TUT4: variants seen among roughly 807,000 people sequenced by gnomAD.
TUT4 encodes the protein terminal uridylyl transferase 4, also known as terminal uridylyltransferase 4.
In TUT4, 36 loss-of-function variants were observed where a neutral mutation model predicts 192.2. The ratio of observed to expected loss-of-function variants is 0.19; its 90% CI spans 0.14 to 0.25. The LOEUF is 0.25. TUT4 is among the 10% of genes least tolerant of loss of function. TUT4 has a pLI of 1.00. For missense variants in TUT4, 1,493 were observed against 1,957.2 expected (o/e 0.76, Z 4.47); for synonymous variants, 618 against 666.0 (o/e 0.93, Z 1.11).
chr1:52,439,492 T>C (rs573514738), intron 24 of TUT4, among the ~76,000 whole-genome samples: 1 of 152,248 alleles, frequency 6.6e-6, no homozygotes, highest in Non-Finnish European at 1.5e-5. Flanking sequence ...CGAAGACTAG[T>C]TGGTCCTAAC....
At chr1:52,441,840 G>A (rs1655692562) in intron 24 of TUT4, among the ~76,000 whole-genome samples, 2 of 152,056 alleles carry the variant, frequency 1.3e-5, no homozygotes, top group Non-Finnish European at 2.9e-5. Context: ...ACAGAAGAGT[G>A]CACAGGAAGG....
At chr1:52,453,609 G>A in intron 20 of TUT4, among the ~76,000 whole-genome samples, 1 of 151,060 alleles carries the variant, frequency 6.6e-6, no homozygotes, top group Admixed American at 6.6e-5. Flanking sequence ...AAATCCTACA[G>A]CTAACATCAT....
chr1:52,545,546 G>T (rs1012608932), intron 1 of TUT4, among the ~76,000 whole-genome samples: 1 of 152,056 alleles, frequency 6.6e-6, no homozygotes, highest in African/African-American at 2.4e-5. Context: ...TTTCTCCAAA[G>T]AAGATATACA....
chr1:52,441,616 T>G (rs907038748), intron 24 of TUT4, among the ~76,000 whole-genome samples: 29 of 151,834 alleles, frequency 1.9e-4, no homozygotes, highest in African/African-American at 7.0e-4. Flanking sequence ...TTGAGTAAAA[T>G]AAGTAAATTT....
rs1181258291 is a variant in TUT4 at position 52,463,708 on chromosome 1, C to A, written c.3069+1362G>T. The A allele has an allele frequency of 3.8e-6, 5 of 1,304,276 alleles. No individual in the cohort carries two copies. The South Asian group carries it at 6.2e-5, about 16-fold the overall frequency. 80.8% of individuals were successfully genotyped at this position (1,304,276 alleles called of 1,614,324 possible). The stretch of plus-strand genomic sequence containing the variant: ...TAGTTGCTGTTGAGAAGGCCTGGGA[C>A]ACTTCTTCCCTGTCCAATCAGTCTT... On this transcript the variant is annotated intron_variant, in intron 16 of 29. Coordinates refer to ENST00000257177, the MANE Select transcript of TUT4 (RefSeq NM_001009881.3).
chr1:52,455,608 A>G (rs1490965155), intron 20 of TUT4, among the ~76,000 whole-genome samples: 49 of 43,946 alleles, frequency 1.1e-3, no homozygotes, highest in South Asian at 3.8e-3. Context: ...CGCTACCTTT[A>G]AAAAAAAAAA....
chr1:52,521,316 C>G (rs1680204431), intron 2 of TUT4, among the ~76,000 whole-genome samples: 1 of 152,052 alleles, frequency 6.6e-6, no homozygotes, highest in Non-Finnish European at 1.5e-5. Context: ...GAAGTTAGGC[C>G]TAATGGAGAA....
chr1:52,503,909 T>C (rs1018008067), intron 4 of TUT4, among the ~76,000 whole-genome samples: 5 of 152,216 alleles, frequency 3.3e-5, no homozygotes, highest in Admixed American at 2.6e-4. Flanking sequence ...CTTACTCATT[T>C]GGTGACCTCA....
intron 7 of TUT4, 146 bp downstream of exon 7, chr1:52,493,465 G>A: frequency 1.8e-6 from 1 of 561,838 alleles, no homozygotes; most frequent in Non-Finnish European, 3.2e-6. Context: ...ATAAACAAGT[G>A]TGTGTATGTA....
In TUT4 at chr1:52,525,649, C is replaced by A; in HGVS notation, c.632G>T (p.Arg211Leu). The change falls in exon 2 of 30, where the codon CGA becomes CTA. Residue 211 changes from arginine to leucine, a missense_variant. Physicochemically the swap from Arg to Leu is moderately radical, Grantham distance 102 (BLOSUM62 -2). Transcript: ENST00000257177. ...GEKCALQNSP[R>L]SQKQQTCTDN... The stretch of plus-strand genomic sequence containing the variant: ...TGTACATGTCTGTTGCTTCTGAGAT[C>A]GTGGTGAGTTTTGCAGAGCACATTT... 3 of 1,614,126 alleles carry A rather than the reference C, an allele frequency of 1.9e-6. No homozygotes were observed. The South Asian group carries it at 3.3e-5, about 18-fold the overall frequency.
chr1:52,439,559 A>C (rs1654880803), intron 24 of TUT4, among the ~76,000 whole-genome samples: 1 of 152,210 alleles, frequency 6.6e-6, no homozygotes, highest in African/African-American at 2.4e-5. Flanking sequence ...TGTCACATTT[A>C]CCTAAACTCA....
intron 13 of TUT4, among the ~76,000 whole-genome samples, chr1:52,473,169 T>C (rs1666228734): frequency 6.6e-6 from 1 of 152,154 alleles, no homozygotes; most frequent in South Asian, 2.1e-4. Flanking sequence ...GCCATTTATT[T>C]GATGCTTTCA....
At chr1:52,476,826 T>C (rs1449136157) in intron 12 of TUT4, among the ~76,000 whole-genome samples, 1 of 152,198 alleles carries the variant, frequency 6.6e-6, no homozygotes, top group Non-Finnish European at 1.5e-5. Context: ...AATGGAATAA[T>C]ATGTAGGCTG....
At chr1:52,498,160 CTAAG>C (rs2149169038) in intron 4 of TUT4, among the ~76,000 whole-genome samples, 1 of 151,480 alleles carries the variant, frequency 6.6e-6, no homozygotes, top group Non-Finnish European at 1.5e-5. Flanking sequence ...ACTCATTTTT[CTAAG>C]TCTCTGTGAT....
At chr1:52,475,890 G>A (rs1666959119) in intron 12 of TUT4, among the ~76,000 whole-genome samples, 1 of 151,904 alleles carries the variant, frequency 6.6e-6, no homozygotes. Context: ...TGTCCCCCAA[G>A]CTGGAGTACA....
intron 2 of TUT4, among the ~76,000 whole-genome samples, chr1:52,524,846 A>G (rs1159929769): frequency 6.6e-6 from 1 of 152,106 alleles, no homozygotes; most frequent in Admixed American, 6.6e-5. Flanking sequence ...GCTTCTGAAA[A>G]TACTCAGGAT....
intron 18 of TUT4, 40 bp downstream of exon 18, chr1:52,461,473 A>C: frequency 6.4e-7 from 1 of 1,561,560 alleles, no homozygotes; most frequent in Non-Finnish European, 8.7e-7. Flanking sequence ...TAAACTTTTA[A>C]AATGAAAAGT....
At chr1:52,485,184 A>G (rs1417999503) in intron 9 of TUT4, among the ~76,000 whole-genome samples, 1 of 152,168 alleles carries the variant, frequency 6.6e-6, no homozygotes, top group Non-Finnish European at 1.5e-5. Flanking sequence ...TTCTTCTTAT[A>G]TCTTTGTTAT....
intron 29 of TUT4, chr1:52,424,259 A>T: frequency 9.2e-6 from 4 of 435,804 alleles, no homozygotes; most frequent in Non-Finnish European, 1.7e-5. Flanking sequence ...AGAGTTGCAG[A>T]CTCTCCCCTC....
Sources: allele counts gnomAD v4.1 joint callset (sites outside exome capture counted in the v4.1 genomes callset), GRCh38; gene constraint gnomAD v4.1.1; transcripts MANE v1.5; gene names NCBI Gene and HGNC (gene_info 2026-07-23, HGNC 2026-07-21).